The following MCTP2 variants were observed in gnomAD, a reference collection of about 807,000 sequenced individuals.
MCTP2 encodes the protein multiple C2 and transmembrane domain-containing protein 2.
A neutral mutation model predicts 111.6 loss-of-function variants in MCTP2; 132 were observed. The ratio of observed to expected loss-of-function variants is 1.18; its 90% CI spans 1.03 to 1.37. MCTP2 has a LOEUF of 1.37. MCTP2 is among the 40% of genes most tolerant of loss of function. The pLI is 0.00. For synonymous variants in MCTP2, 395 were observed against 387.7 expected, an observed-to-expected ratio of 1.02 and a Z score of -0.22; for missense variants, 1,183 against 1,067.9, an observed-to-expected ratio of 1.11 and a Z score of -1.50.
In MCTP2 at chr15:94,479,292, C is replaced by T; in HGVS notation, c.*258C>T. 4.0e-6 allele frequency: 2 copies of T among 498,130 alleles called. No individual in the cohort carries two copies. The highest frequency in any genetic ancestry group is 7.2e-6 in the Non-Finnish European group (2 of 276,614). The allele number at this position is 498,130 out of a possible 1,614,324, so 30.9% of individuals were successfully genotyped here. A position where few individuals can be genotyped will look rare whatever the true frequency, so the allele number is the denominator to read the frequency against. ...AGACTGTGAAAGACTAACATCCATT[C>T]TGAAATAGGAGATAACAAGGCTGCC... On this transcript the variant is annotated 3_prime_UTR_variant, in exon 23 of 23. Transcript: ENST00000357742.
At chr15:94,318,339 A>G (rs1411133156) in intron 4 of MCTP2, among the ~76,000 whole-genome samples, 1 of 148,944 alleles carries the variant, frequency 6.7e-6, no homozygotes, top group Non-Finnish European at 1.5e-5. Flanking sequence ...GCTGGAGTGC[A>G]GTGGCACAAT....
intron 8 of MCTP2, among the ~76,000 whole-genome samples, chr15:94,351,207 C>T (rs1231840568): frequency 6.6e-6 from 1 of 152,078 alleles, no homozygotes; most frequent in East Asian, 1.9e-4. Flanking sequence ...TATTCTCATG[C>T]AAGGATTTCT....
intron 21 of MCTP2, among the ~76,000 whole-genome samples, chr15:94,472,962 A>G (rs2074050494): frequency 6.6e-6 from 1 of 152,292 alleles, no homozygotes; most frequent in East Asian, 1.9e-4. Flanking sequence ...TGGTTTTTCT[A>G]ACTTTAAGGA....
At chr15:94,330,379 A>C (rs1394342903) in intron 4 of MCTP2, among the ~76,000 whole-genome samples, 1 of 152,192 alleles carries the variant, frequency 6.6e-6, no homozygotes, top group Non-Finnish European at 1.5e-5. Flanking sequence ...GAGTATCAAT[A>C]ATCATGTATG....
At chr15:94,242,934 C>T (rs1323031047) in intron 1 of MCTP2, among the ~76,000 whole-genome samples, 1 of 138,278 alleles carries the variant, frequency 7.2e-6, no homozygotes, top group Admixed American at 7.0e-5. Context: ...CACATATACA[C>T]GTGTATATGT....
chr15:94,335,864 A>G (rs1248471430), intron 4 of MCTP2, among the ~76,000 whole-genome samples: 2 of 152,202 alleles, frequency 1.3e-5, no homozygotes, highest in Non-Finnish European at 2.9e-5. Context: ...TTTTTCCTGT[A>G]AAATGCCCAA....
intron 1 of MCTP2, among the ~76,000 whole-genome samples, chr15:94,265,307 A>T (rs1000638932): frequency 6.6e-6 from 1 of 152,168 alleles, no homozygotes; most frequent in African/African-American, 2.4e-5. Context: ...CAGGGGTTAT[A>T]TGAAAATGGT....
At chr15:94,427,754 C>A (rs1365132239) in intron 17 of MCTP2, among the ~76,000 whole-genome samples, 1 of 152,146 alleles carries the variant, frequency 6.6e-6, no homozygotes. Flanking sequence ...TAAGGGAGTG[C>A]ATTTGTTTTT....
chr15:94,321,209 A>G (rs2076614900), intron 4 of MCTP2, among the ~76,000 whole-genome samples: 1 of 152,174 alleles, frequency 6.6e-6, no homozygotes, highest in African/African-American at 2.4e-5. Context: ...GTACAAAAAT[A>G]CAGTAGAAAG....
chr15:94,268,611 C>T (rs1424631595), intron 1 of MCTP2, among the ~76,000 whole-genome samples: 2 of 152,112 alleles, frequency 1.3e-5, no homozygotes, highest in Non-Finnish European at 2.9e-5. Context: ...GTGATTAACA[C>T]CTCATTAAAT....
At chr15:94,302,401 T>A (rs1655464) in intron 2 of MCTP2, among the ~76,000 whole-genome samples, 130,620 of 151,812 alleles carry the variant, frequency 0.86, 56,418 homozygotes, top group East Asian at 0.99. Flanking sequence ...TTATGGGGAA[T>A]TGGAATGATG....
chr15:94,346,188 GA>G (rs565981364), intron 8 of MCTP2, among the ~76,000 whole-genome samples: 133 of 152,286 alleles, frequency 8.7e-4, no homozygotes, highest in African/African-American at 3.2e-3. Context: ...AGTCACTTAA[GA>G]AGAAAGCAAA....
At chr15:94,298,795 TCCCTCTCTCC>T in intron 2 of MCTP2, 65 bp downstream of exon 2, 2 of 1,078,718 alleles carry the variant, frequency 1.9e-6, no homozygotes, top group Non-Finnish European at 2.6e-6. Context: ...CCTCTCTTTC[TCCCTCTCTCC>T]CCATCTCCCT....
chr15:94,301,555 C>T (rs1436624283), intron 2 of MCTP2, among the ~76,000 whole-genome samples: 5 of 152,174 alleles, frequency 3.3e-5, no homozygotes, highest in Admixed American at 2.0e-4. Context: ...GTTTTCTAAG[C>T]GTCTAGCTTC....
intron 17 of MCTP2, among the ~76,000 whole-genome samples, chr15:94,430,604 T>C (rs573849471): frequency 0.02 from 2,868 of 143,494 alleles, 107 homozygotes; most frequent in African/African-American, 0.069. Context: ...AAAAATTAGC[T>C]GGGCGTCGTG....
intron 2 of MCTP2, among the ~76,000 whole-genome samples, chr15:94,309,406 C>T (rs2076029318): frequency 6.6e-6 from 1 of 152,122 alleles, no homozygotes; most frequent in Admixed American, 6.6e-5. Flanking sequence ...TTGATTTGTT[C>T]AGCCAAATTT....
chr15:94,430,129 C>T (rs1439599549), intron 17 of MCTP2, among the ~76,000 whole-genome samples: 1 of 152,174 alleles, frequency 6.6e-6, no homozygotes, highest in Non-Finnish European at 1.5e-5. Flanking sequence ...GTTGTCTCTT[C>T]ATGATTTGTT....
chr15:94,285,919 T>G (rs2074732302), intron 1 of MCTP2, among the ~76,000 whole-genome samples: 1 of 152,232 alleles, frequency 6.6e-6, no homozygotes, highest in Admixed American at 6.5e-5. Flanking sequence ...TTTCATCCGG[T>G]TCTTTTAGTT....
At chr15:94,454,973 A>G (rs1387969766) in intron 19 of MCTP2, among the ~76,000 whole-genome samples, 1 of 152,136 alleles carries the variant, frequency 6.6e-6, no homozygotes, top group African/African-American at 2.4e-5. Context: ...GGCATGTGCC[A>G]CCACAACAGG....
Sources: allele counts gnomAD v4.1 joint callset (sites outside exome capture counted in the v4.1 genomes callset), GRCh38; gene constraint gnomAD v4.1.1; transcripts MANE v1.5; gene names NCBI Gene and HGNC (gene_info 2026-07-23, HGNC 2026-07-21).